Variants in ALPK1 observed in about 807,000 individuals in gnomAD.
ALPK1 encodes alpha-protein kinase 1.
A neutral mutation model predicts 120.6 loss-of-function variants in ALPK1; 110 were observed. That is an observed-to-expected ratio of 0.91 (90% CI 0.78 to 1.07). ALPK1 has a LOEUF of 1.07. Ranked by LOEUF, ALPK1 falls within the 50% of genes least tolerant of loss-of-function variation. The probability of loss-of-function intolerance (pLI) is 0.00; values close to 1 mark genes in which losing one functional copy is unlikely to be tolerated. For missense variants in ALPK1, 1,498 were observed against 1,483.9 expected (o/e 1.01, Z -0.16); for synonymous variants, 582 against 560.3 (o/e 1.04, Z -0.55).
chr4:112,352,520 A>G (rs1251433037), intron 2 of ALPK1: 1 of 152,236 alleles, frequency 6.6e-6, no homozygotes, highest in African/African-American at 2.4e-5. Context: ...TAACCTACAC[A>G]TATTCTTACC....
At chr4:112,390,029 A>G (rs9992488) in intron 4 of ALPK1, among the ~76,000 whole-genome samples, 88,903 of 151,948 alleles carry the variant, frequency 0.59, 27,343 homozygotes, top group East Asian at 0.78. Flanking sequence ...CATCTACCCC[A>G]CTTCACTCCT....
At chr4:112,380,251 A>G (rs1731840317) in intron 3 of ALPK1, among the ~76,000 whole-genome samples, 3 of 152,180 alleles carry the variant, frequency 2.0e-5, no homozygotes, top group Non-Finnish European at 4.4e-5. Flanking sequence ...TATTGAAAAC[A>G]GTTTCAGAAG....
chr4:112,339,361 G>A (rs1236097997), intron 2 of ALPK1, among the ~76,000 whole-genome samples: 1 of 152,326 alleles, frequency 6.6e-6, no homozygotes, highest in East Asian at 1.9e-4. Context: ...AATTTACTAT[G>A]TGGGGCTTTA....
Position 112,431,888 on chromosome 4 carries a change from A to G in ALPK1, c.2341A>G (p.Ser781Gly), listed in dbSNP as rs1734576079. The change falls in exon 11 of 16, where the codon AGT (serine) becomes GGT (glycine). Residue 781 changes from serine to glycine, a missense_variant. Transcript: ENST00000650871. ...ERGAGPTFKASPSWVDPEGET... is the reference protein window; with the variant it reads ...ERGAGPTFKAGPSWVDPEGET... ...AGGCGCAGGCCCTACATTTAAAGCT[A>G]GTCCCTCCTGGGTTGACCCAGAAGG... 1 of 1,614,068 alleles carries G rather than the reference A, an allele frequency of 6.2e-7. No individual in the cohort carries two copies. Among genetic ancestry groups the G allele is most frequent in the Non-Finnish European group, 8.5e-7 (1 of 1,180,048 alleles).
At chr4:112,373,848 A>T (rs1432344436) in intron 2 of ALPK1, among the ~76,000 whole-genome samples, 1 of 152,232 alleles carries the variant, frequency 6.6e-6, no homozygotes, top group African/African-American at 2.4e-5. Flanking sequence ...ACTATGTCTA[A>T]AAAAGTACCC....
chr4:112,396,612 G>A (rs1193762364), intron 4 of ALPK1, among the ~76,000 whole-genome samples: 1 of 152,062 alleles, frequency 6.6e-6, no homozygotes, highest in African/African-American at 2.4e-5. Flanking sequence ...GAAACTTTTA[G>A]AATTTTCTTT....
intron 2 of ALPK1, chr4:112,316,268 A>G (rs1177942306): frequency 6.6e-6 from 1 of 152,190 alleles, no homozygotes; most frequent in South Asian, 2.1e-4. Context: ...TACTCTAGGT[A>G]CTTCATATAA....
chr4:112,442,530 TG>T lies in ALPK1; in HGVS notation c.*1323del, dbSNP rs1046848649. On this transcript the variant is annotated 3_prime_UTR_variant, in exon 16 of 16. Transcript: ENST00000650871. ...ACTAATGGGTACTAGGCTGAATACC[TG>T]GGTGATGAAGTAATTCGCACAACAA... 2.6e-5 allele frequency: 4 copies of T among 151,918 alleles called. No homozygotes were observed. The highest frequency in any genetic ancestry group is 9.7e-5 in the African/African-American group (4 of 41,330). 9.4% of individuals were successfully genotyped at this position (151,918 alleles called of 1,614,324 possible).
In ALPK1 at chr4:112,417,582, G is replaced by A. The variant is rs943030995; in HGVS notation, c.475+5557G>A. 2.6e-5 allele frequency among the ~76,000 whole-genome samples: 4 copies of A among 152,070 alleles called. No homozygotes were observed. In the East Asian group the frequency reaches 7.7e-4, roughly 29 times the overall value. On this transcript the variant is annotated intron_variant, in intron 5 of 15. Transcript: ENST00000650871. ...GGTCACTGCAGCCTCAACCTTCCAG[G>A]CCAAGCAATCCTCCCACTTTAGCCT...
intron 1 of ALPK1, among the ~76,000 whole-genome samples, chr4:112,300,974 A>G (rs1727760719): frequency 6.6e-6 from 1 of 152,120 alleles, no homozygotes; most frequent in Non-Finnish European, 1.5e-5. Context: ...AGTGCATAAT[A>G]TGCACCCAAA....
chr4:112,347,892 A>T (rs566538168), intron 2 of ALPK1, among the ~76,000 whole-genome samples: 6 of 152,356 alleles, frequency 3.9e-5, no homozygotes, highest in East Asian at 1.9e-4. Context: ...CTTATTTTTT[A>T]AAAATTTCCT....
At chr4:112,406,523 G>A (rs541373339) in intron 4 of ALPK1, among the ~76,000 whole-genome samples, 17 of 152,240 alleles carry the variant, frequency 1.1e-4, no homozygotes, top group Admixed American at 3.3e-4. Context: ...ATTGGAAGAC[G>A]CCAGAAGCAG....
At chr4:112,395,559 T>C (rs968927829) in intron 4 of ALPK1, among the ~76,000 whole-genome samples, 1 of 152,216 alleles carries the variant, frequency 6.6e-6, no homozygotes, top group Non-Finnish European at 1.5e-5. Context: ...ACATGTTCTG[T>C]GCATTACTAT....
chr4:112,430,180 A>G (rs764835569), intron 10 of ALPK1, among the ~76,000 whole-genome samples: 5 of 152,208 alleles, frequency 3.3e-5, no homozygotes, highest in Non-Finnish European at 7.3e-5. Context: ...AAATGTATCA[A>G]AGATACAATA....
At chr4:112,359,037 A>C in intron 2 of ALPK1, 1 of 763,830 alleles carries the variant, frequency 1.3e-6, no homozygotes, top group Non-Finnish European at 2.4e-6. Context: ...AGAGCACAGC[A>C]TTCCCCAAAG....
intron 5 of ALPK1, 59 bp downstream of exon 5, chr4:112,412,084 C>T: frequency 6.3e-7 from 1 of 1,597,808 alleles, no homozygotes; most frequent in Non-Finnish European, 8.5e-7. Context: ...CCCCTTCCCT[C>T]CCGAGCTACT....
At chr4:112,299,292 A>G (rs866461917) in intron 1 of ALPK1, among the ~76,000 whole-genome samples, 7 of 152,308 alleles carry the variant, frequency 4.6e-5, no homozygotes, top group Middle Eastern at 6.8e-3. Context: ...TAACTTAAAT[A>G]TCAGATACAT....
intron 10 of ALPK1, among the ~76,000 whole-genome samples, 166 bp downstream of exon 10, chr4:112,429,419 G>A (rs1286610135): frequency 6.6e-6 from 1 of 152,190 alleles, no homozygotes; most frequent in Non-Finnish European, 1.5e-5. Context: ...TTTATTGGTC[G>A]GAGTTTTGAC....
intron 1 of ALPK1, among the ~76,000 whole-genome samples, chr4:112,312,439 A>AT (rs1728447166): frequency 2.0e-5 from 3 of 151,968 alleles, no homozygotes; most frequent in South Asian, 4.1e-4. Flanking sequence ...CGCCTGGCTA[A>AT]TTTTTTGTAT....
Sources: gnomAD v4.1 joint callset for allele counts (sites outside exome capture counted in the v4.1 genomes callset) on GRCh38, gnomAD v4.1.1 for gene constraint, MANE v1.5 for transcripts, NCBI Gene and HGNC (gene_info 2026-07-23, HGNC 2026-07-21) for gene names.